The following DHX57 variants were observed in gnomAD, a reference collection of about 807,000 sequenced individuals.
The protein encoded by DHX57 is DExH-box helicase 57.
Under a neutral mutation model 156.2 loss-of-function variants are expected in DHX57, and 105 were observed. The observed-to-expected ratio is 0.67, with a 90% CI of 0.57 to 0.79. The LOEUF (loss-of-function observed/expected upper bound fraction) is 0.79. DHX57 is among the 30% of genes least tolerant of loss of function. The pLI, the probability that DHX57 is intolerant of heterozygous loss-of-function variation, is 0.00. For missense variants in DHX57, 1,847 were observed against 1,661.9 expected (o/e 1.11, Z -1.94); for synonymous variants, 704 against 595.6 (o/e 1.18, Z -2.65).
chr2:38,856,556 T>C (rs1288009362), intron 6 of DHX57, 95 bp from the exon 7 acceptor site: 8 of 1,447,740 alleles, frequency 5.5e-6, no homozygotes, highest in South Asian at 1.4e-5. Flanking sequence ...CAGGCTGGAG[T>C]GCAGTGGTGC....
intron 6 of DHX57, chr2:38,856,735 C>A: frequency 1.3e-5 from 3 of 230,292 alleles, no homozygotes; most frequent in Non-Finnish European, 1.7e-5. Context: ...CTCCTGTGCT[C>A]AAGAATCCAC....
In DHX57 at chr2:38,802,704, T is replaced by G; in HGVS notation, c.4017+11A>C. 6.2e-7 allele frequency: 1 copy of G among 1,613,756 alleles called. No individual in the cohort carries two copies. The highest frequency in any genetic ancestry group is 8.5e-7 in the Non-Finnish European group (1 of 1,180,004). On this transcript the variant is annotated intron_variant, in intron 23 of 23. Coordinates refer to ENST00000457308, the MANE Select transcript of DHX57 (RefSeq NM_198963.3). ...CCTGAGCCTCATAAAACAGACCAAT[T>G]CTGCCTTTACCTGATGGGAAGCAGC...
chr2:38,818,468 A>C lies in DHX57; in HGVS notation c.3471+409T>G, dbSNP rs565908850. Among the ~76,000 whole-genome samples the C allele has an allele frequency of 2.6e-5, 4 of 152,256 alleles. No individual in the cohort carries two copies. The East Asian group carries it at 5.8e-4, about 22-fold the overall frequency. ...CTTGACCCTGGGAGGCGGAGGATGC[A>C]AGTGAGCCGAGATCGCACCACTGCA... On this transcript the variant is annotated intron_variant, in intron 19 of 23. Transcript: ENST00000457308.
rs766229200 is a variant in DHX57, at chr2:38,861,434, G to A, written c.976C>T (p.Pro326Ser). 7 of 1,613,942 alleles carry A rather than the reference G, an allele frequency of 4.3e-6. No homozygotes were observed. The South Asian group carries it at 7.7e-5, about 18-fold the overall frequency. ...GSKCRFKHEVPPNQIVGRIER... is the reference protein window; with the variant it reads ...GSKCRFKHEVSPNQIVGRIER... ...ATTCTTCCAACAATTTGATTTGGGG[G>A]CACTTCATGTTTGAATCTGCATTTT... The change falls in exon 5 of 24, where the codon CCC becomes TCC. Residue 326 changes from proline (P) to serine (S), a missense_variant. By Grantham distance (74) the Pro-to-Ser change is moderately conservative. Coordinates refer to ENST00000457308, the MANE Select transcript of DHX57 (RefSeq NM_198963.3).
chr2:38,836,255 G>T (rs148534351), intron 13 of DHX57, among the ~76,000 whole-genome samples: 1 of 151,966 alleles, frequency 6.6e-6, no homozygotes, highest in Admixed American at 6.6e-5. Flanking sequence ...TGCAATGAGC[G>T]TGCCTGCCTC....
rs1670351193 is a variant in DHX57 at position 38,813,020 on chromosome 2, G to A, written c.3681+801C>T. Among the ~76,000 whole-genome samples the A allele has an allele frequency of 2.6e-5, 4 of 151,778 alleles. No individual in the cohort carries two copies. The South Asian group carries it at 8.3e-4, about 32-fold the overall frequency. ...GCACCACCACACCCAGCTAATTTTT[G>A]TATTTTTAGTAGATACAGGGTTTCA... On this transcript the variant is annotated intron_variant, in intron 21 of 23. Transcript: ENST00000457308.
intron 21 of DHX57, 116 bp from the exon 22 acceptor site, chr2:38,806,809 T>C (rs1558353245): frequency 4.0e-6 from 4 of 987,690 alleles, no homozygotes; most frequent in Non-Finnish European, 5.8e-6. Flanking sequence ...ATAGCTTTCC[T>C]GTTTGTTCCC....
At chr2:38,846,362 C>A (rs1672288272) in intron 11 of DHX57, among the ~76,000 whole-genome samples, 2 of 152,024 alleles carry the variant, frequency 1.3e-5, no homozygotes, top group Admixed American at 6.6e-5. Context: ...TGGCTCATGA[C>A]TGTAATCCCA....
At chr2:38,799,672 C>T (rs1238713347) in intron 23 of DHX57, among the ~76,000 whole-genome samples, 1 of 149,244 alleles carries the variant, frequency 6.7e-6, no homozygotes, top group Non-Finnish European at 1.5e-5. Flanking sequence ...ATTGCTTGAA[C>T]CCAGGAGGCA....
Position 38,848,396 on chromosome 2 carries a change from G to A in DHX57, c.2037C>T (p.Phe679=). 6.3e-7 allele frequency: 1 copy of A among 1,589,894 alleles called. No individual in the cohort carries two copies. The highest frequency in any genetic ancestry group is 8.5e-7 in the Non-Finnish European group (1 of 1,171,738). ...CAATGTCCTTCAAAACTAGCAGCAA[G>A]AAGTCACTAGAGAAAATAAAAGAAA... The part of the protein sequence containing the change: ...EVHERTEESD[F]LLLVLKDIVS... Residue 679 remains phenylalanine (F), a synonymous_variant, in exon 10 of 24, where the codon TTC becomes TTT. Transcript: ENST00000457308.
At position 38,856,359 on chromosome 2, in the gene DHX57, C is replaced by A. The variant is rs1672891825; in HGVS notation, c.1690G>T (p.Val564Phe). Residue 564 changes from valine (V) to phenylalanine (F), a missense_variant, in exon 7 of 24, where the codon GTC becomes TTC. Physicochemically the swap from Val to Phe is conservative, Grantham distance 50. Transcript: ENST00000457308. ...TCTTACCCAGTCATACCACTTATGA[C>A]AACCACCTGGTGCTTACGCAATAAG... ...LNLLRKHQVV[V>F]ISGMTGCGKT... is the part of the protein sequence containing the mutation. 2 of 1,611,068 alleles carry A rather than the reference C, an allele frequency of 1.2e-6. No homozygotes were observed. Among genetic ancestry groups the A allele is most frequent in the East Asian group, 2.2e-5 (1 of 44,876 alleles).
chr2:38,831,455 G>T (rs536863810), intron 13 of DHX57, among the ~76,000 whole-genome samples: 1 of 151,422 alleles, frequency 6.6e-6, no homozygotes, highest in Admixed American at 6.6e-5. Flanking sequence ...TCAGCCTCCC[G>T]ACTAGCTGGG....
At position 38,798,342 on chromosome 2, in the gene DHX57, G is replaced by C. The variant is rs369279079; in HGVS notation, c.4118C>G (p.Ser1373Cys). ...SIDLCTCPRG[S>C]RIISTIVKLV... ...TTTCACAATTGTGCTGATGATCCGG[G>C]ATCCTCGAGGACACGTACACAGATC... The change falls in exon 24 of 24, where the codon TCC becomes TGC. Residue 1373 changes from serine (S) to cysteine (C), a missense_variant. Transcript: ENST00000457308. The C allele has an allele frequency of 2.2e-5, 36 of 1,613,816 alleles. No homozygotes were observed. Among genetic ancestry groups the C allele is most frequent in the Non-Finnish European group, 2.5e-5 (29 of 1,179,990 alleles).
At chr2:38,814,187 C>G (rs1670411754) in intron 20 of DHX57, among the ~76,000 whole-genome samples, 1 of 152,164 alleles carries the variant, frequency 6.6e-6, no homozygotes, top group Non-Finnish European at 1.5e-5. Context: ...ATCTGCCCAC[C>G]TCAGCCTCTC....
rs112320886 is a variant in DHX57 at position 38,868,235 on chromosome 2, T to C, written c.171A>G (p.Ile57Met). 3.1e-6 allele frequency: 5 copies of C among 1,614,140 alleles called. No homozygotes were observed. The African/African-American group carries it at 4.0e-5, about 13-fold the overall frequency. ...TACAAAAGTCATCTCCATCATCCCA[T>C]ATTCTACTGGAGGCCTTTCTGTTGC... ...GGGNRKASSRIWDDGDDFCIF... is the reference protein window; with the variant it reads ...GGGNRKASSRMWDDGDDFCIF... The change falls in exon 2 of 24, where the codon ATA (isoleucine) becomes ATG (methionine). Residue 57 changes from isoleucine (I) to methionine (M), a missense_variant. Coordinates refer to ENST00000457308, the MANE Select transcript of DHX57 (RefSeq NM_198963.3).
chr2:38,861,220 G>C lies in DHX57; in HGVS notation c.1190C>G (p.Ala397Gly). 6.2e-7 allele frequency: 1 copy of C among 1,614,144 alleles called. No individual in the cohort carries two copies. The highest frequency in any genetic ancestry group is 1.1e-5 in the South Asian group (1 of 91,086). The change falls in exon 5 of 24, where the codon GCC becomes GGC. Residue 397 changes from alanine to glycine, a missense_variant. By Grantham distance (60) the Ala-to-Gly change is moderately conservative. Transcript: ENST00000457308. Reference protein sequence around the residue: ...LHISEFLYDKALTFAETSEPV... With the variant: ...LHISEFLYDKGLTFAETSEPV... The stretch of plus-strand genomic sequence containing the variant: ...TTCCGAAGTTTCCGCAAATGTCAAG[G>C]CCTTGTCATAAAGAAACTCAGAAAT...
chr2:38,818,646 A>G (rs1670664207), intron 19 of DHX57, among the ~76,000 whole-genome samples: 1 of 152,200 alleles, frequency 6.6e-6, no homozygotes, highest in African/African-American at 2.4e-5. Flanking sequence ...TATCTTCCGC[A>G]TAAGTAAACA....
chr2:38,833,893 C>T (rs1300922947), intron 13 of DHX57, among the ~76,000 whole-genome samples: 1 of 152,200 alleles, frequency 6.6e-6, no homozygotes, highest in African/African-American at 2.4e-5. Context: ...TATATAGATA[C>T]TAGCCTATTT....
chr2:38,862,352 T>C lies in DHX57; in HGVS notation c.384-19A>G. The C allele has an allele frequency of 1.9e-6, 3 of 1,538,546 alleles. No homozygotes were observed. The highest frequency in any genetic ancestry group is 1.3e-5 in the South Asian group (1 of 79,342). ...GCCTCTTCTAGCAAAGGCAACATTT[T>C]CATATATTAGATATTACTTTCTACT... On this transcript the variant is annotated intron_variant, in intron 3 of 23. Transcript: ENST00000457308.
Sources: gnomAD v4.1 joint callset for allele counts (sites outside exome capture counted in the v4.1 genomes callset) on GRCh38, gnomAD v4.1.1 for gene constraint, MANE v1.5 for transcripts, NCBI Gene and HGNC (gene_info 2026-07-23, HGNC 2026-07-21) for gene names.